The following XPR1 variants were observed in gnomAD, a reference collection of about 807,000 sequenced individuals.
XPR1 encodes solute carrier family 53 member 1.
Under a neutral mutation model 87.5 loss-of-function variants are expected in XPR1, and 28 were observed. That is an observed-to-expected ratio of 0.32 (90% CI 0.24 to 0.44). The LOEUF is 0.44. Ranked by LOEUF, XPR1 falls within the 20% of genes least tolerant of loss-of-function variation. The pLI is 1.00. For synonymous variants in XPR1, 300 were observed against 306.1 expected, an observed-to-expected ratio of 0.98 and a Z score of 0.21; for missense variants, 559 against 862.3, an observed-to-expected ratio of 0.65 and a Z score of 4.41.
chr1:180,714,483 T>C (rs1489133865), intron 2 of XPR1, among the ~76,000 whole-genome samples: 1 of 151,126 alleles, frequency 6.6e-6, no homozygotes, highest in Non-Finnish European at 1.5e-5. Flanking sequence ...TAGCACGCTG[T>C]AACCTCAACC....
chr1:180,847,246 T>C (rs1651716661), intron 11 of XPR1, among the ~76,000 whole-genome samples: 2 of 152,338 alleles, frequency 1.3e-5, no homozygotes, highest in East Asian at 3.9e-4. Context: ...CTGTTTCCTT[T>C]CTCAACTGAA....
At chr1:180,839,422 A>G (rs1322445721) in intron 11 of XPR1, among the ~76,000 whole-genome samples, 2 of 152,218 alleles carry the variant, frequency 1.3e-5, no homozygotes, top group Admixed American at 1.3e-4. Flanking sequence ...AAATAAAAAT[A>G]TTGTTAATTT....
At chr1:180,680,357 CTT>C (rs369905770) in intron 1 of XPR1, among the ~76,000 whole-genome samples, 4,681 of 82,586 alleles carry the variant, frequency 0.057, 7 homozygotes, top group African/African-American at 0.067. Flanking sequence ...CAAATAGAAC[CTT>C]TTTTTTTTTT....
rs1332869146 is a variant in XPR1, at chr1:180,886,845, G to A, written c.*2779G>A. 6.6e-6 allele frequency: 1 copy of A among 152,140 alleles called. No homozygotes were observed. Among genetic ancestry groups the A allele is most frequent in the Non-Finnish European group, 1.5e-5 (1 of 68,030 alleles). 9.4% of individuals were successfully genotyped at this position (152,140 alleles called of 1,614,324 possible). ...TGTCCACCTTACAATTTGATTGGAG[G>A]CTCCCATACACTGAAACTCTCAATA... On this transcript the variant is annotated 3_prime_UTR_variant, in exon 15 of 15. Coordinates refer to ENST00000367590, the MANE Select transcript of XPR1 (RefSeq NM_004736.4).
At chr1:180,797,034 G>A (rs1348942930) in intron 3 of XPR1, among the ~76,000 whole-genome samples, 2 of 152,082 alleles carry the variant, frequency 1.3e-5, no homozygotes, top group Non-Finnish European at 2.9e-5. Flanking sequence ...GACAGCTAAT[G>A]GCCATGATGG....
At chr1:180,679,460 C>T (rs1440122706) in intron 1 of XPR1, among the ~76,000 whole-genome samples, 1 of 152,052 alleles carries the variant, frequency 6.6e-6, no homozygotes, top group East Asian at 1.9e-4. Context: ...ATTATCTAGC[C>T]CAAAATGCTA....
chr1:180,754,634 T>C (rs1414962804), intron 2 of XPR1, among the ~76,000 whole-genome samples: 2 of 152,062 alleles, frequency 1.3e-5, no homozygotes, highest in African/African-American at 4.8e-5. Context: ...CTGCTTTTTG[T>C]ATTTTTTTGT....
chr1:180,670,208 G>A (rs1656118956), intron 1 of XPR1, among the ~76,000 whole-genome samples: 1 of 152,046 alleles, frequency 6.6e-6, no homozygotes, highest in African/African-American at 2.4e-5. Context: ...TTTCATTGGA[G>A]AATTTAATTC....
At chr1:180,673,138 A>T (rs1656241340) in intron 1 of XPR1, among the ~76,000 whole-genome samples, 1 of 152,082 alleles carries the variant, frequency 6.6e-6, no homozygotes, top group Admixed American at 6.5e-5. Context: ...TTAGCTTCTG[A>T]TCTCCTTTAA....
intron 2 of XPR1, 84 bp from the exon 3 acceptor site, chr1:180,787,667 CAA>C: frequency 1.1e-6 from 1 of 941,206 alleles, no homozygotes; most frequent in Middle Eastern, 3.4e-4. Flanking sequence ...TTTAAAAACT[CAA>C]AAAGTAATCT....
chr1:180,780,733 A>C (rs1648903066), intron 2 of XPR1, among the ~76,000 whole-genome samples: 1 of 150,464 alleles, frequency 6.6e-6, no homozygotes, highest in East Asian at 1.9e-4. Flanking sequence ...GTGCCACTGC[A>C]CTCCAACCTG....
In XPR1 at chr1:180,637,172, A is replaced by C. The variant is rs3856057; in HGVS notation, c.69+4902A>C. ...TAGTATTTAATAAATGGATTGATGC[A>C]GTACCCCTGCTAAGGAGGTCATGCA... is the stretch of plus-strand genomic sequence containing the variant. On this transcript the variant is annotated intron_variant, in intron 1 of 14. Transcript: ENST00000367590. Among the ~76,000 whole-genome samples, 99 of 152,344 alleles carry C rather than the reference A, an allele frequency of 6.5e-4. 1 individual carries two copies. The highest frequency in any genetic ancestry group is 4.5e-3 in the Admixed American group (69 of 15,300).
chr1:180,639,852 G>A (rs1413420260), intron 1 of XPR1, among the ~76,000 whole-genome samples: 1 of 152,180 alleles, frequency 6.6e-6, no homozygotes, highest in Non-Finnish European at 1.5e-5. Context: ...GGATAAAGGA[G>A]TTCCCTGGGT....
chr1:180,860,458 C>G (rs190831216), intron 11 of XPR1, among the ~76,000 whole-genome samples: 1 of 152,180 alleles, frequency 6.6e-6, no homozygotes, highest in Non-Finnish European at 1.5e-5. Context: ...TCTGTATGTT[C>G]ATCAGCAAGT....
chr1:180,676,452 G>A (rs16856367), intron 1 of XPR1, among the ~76,000 whole-genome samples: 25,532 of 151,900 alleles, frequency 0.17, 2,512 homozygotes, highest in East Asian at 0.28. Flanking sequence ...TTCCTTTCTC[G>A]TTACATTTTT....
At chr1:180,806,946 A>T (rs934133802) in intron 6 of XPR1, among the ~76,000 whole-genome samples, 4 of 152,216 alleles carry the variant, frequency 2.6e-5, no homozygotes, top group Non-Finnish European at 5.9e-5. Flanking sequence ...TTATTAAGTG[A>T]TATCTTCTGT....
chr1:180,745,061 C>T (rs1659044895), intron 2 of XPR1, among the ~76,000 whole-genome samples: 1 of 152,154 alleles, frequency 6.6e-6, no homozygotes. Context: ...ATATGCTATT[C>T]AGATATGGCC....
chr1:180,660,269 G>C (rs986357233), intron 1 of XPR1, among the ~76,000 whole-genome samples: 9 of 151,710 alleles, frequency 5.9e-5, no homozygotes, highest in African/African-American at 2.2e-4. Context: ...TTCTTAGTCT[G>C]GCTGAAAGGT....
chr1:180,781,312 G>T (rs1427567306), intron 2 of XPR1, among the ~76,000 whole-genome samples: 1 of 151,934 alleles, frequency 6.6e-6, no homozygotes, highest in African/African-American at 2.4e-5. Flanking sequence ...TTTAAAAAAA[G>T]ACATAATCCC....
Sources: gnomAD v4.1 joint callset for allele counts (sites outside exome capture counted in the v4.1 genomes callset) on GRCh38, gnomAD v4.1.1 for gene constraint, MANE v1.5 for transcripts, NCBI Gene and HGNC (gene_info 2026-07-23, HGNC 2026-07-21) for gene names.